The following SLC17A8 variants were observed in gnomAD, a reference collection of about 807,000 sequenced individuals.
SLC17A8 encodes solute carrier family 17 member 8, also known as vesicular glutamate transporter 3.
In SLC17A8, 31 loss-of-function variants were observed where a neutral mutation model predicts 58.0. That is an observed-to-expected ratio of 0.53 (90% CI 0.40 to 0.72). SLC17A8 has a LOEUF of 0.72. SLC17A8 is among the 30% of genes least tolerant of loss of function. SLC17A8 has a pLI of 0.00. For synonymous variants in SLC17A8, 228 were observed against 249.0 expected (o/e 0.92, Z 0.79); for missense variants, 655 against 727.8 (o/e 0.90, Z 1.15).
chr12:100,368,732 C>T (rs1274703143), intron 1 of SLC17A8, among the ~76,000 whole-genome samples: 1 of 152,198 alleles, frequency 6.6e-6, no homozygotes, highest in African/African-American at 2.4e-5. Context: ...TCTCCTTTTA[C>T]AACTTCTCCC....
chr12:100,386,374 T>C (rs1014144880), intron 2 of SLC17A8, among the ~76,000 whole-genome samples: 2 of 152,184 alleles, frequency 1.3e-5, no homozygotes, highest in Admixed American at 1.3e-4. Context: ...ACATTATGGT[T>C]GACTCTAAGT....
intron 1 of SLC17A8, among the ~76,000 whole-genome samples, chr12:100,373,231 T>C (rs537546484): frequency 6.6e-6 from 1 of 152,272 alleles, no homozygotes; most frequent in Admixed American, 6.5e-5. Context: ...CCAACTGCAG[T>C]CAAGCAGGGA....
intron 2 of SLC17A8, among the ~76,000 whole-genome samples, chr12:100,381,956 T>C (rs1004965351): frequency 6.6e-6 from 1 of 152,222 alleles, no homozygotes; most frequent in South Asian, 2.1e-4. Flanking sequence ...TGGGACACAG[T>C]CATAGGTACT....
intron 10 of SLC17A8, among the ~76,000 whole-genome samples, chr12:100,414,362 G>A (rs1161065843): frequency 2.6e-5 from 4 of 152,162 alleles, no homozygotes; most frequent in African/African-American, 9.7e-5. Context: ...TAAAGTAAAA[G>A]TCTAAATTAA....
intron 9 of SLC17A8, among the ~76,000 whole-genome samples, chr12:100,407,637 G>T (rs1041147910): frequency 5.3e-5 from 8 of 151,446 alleles, no homozygotes; most frequent in African/African-American, 1.9e-4. Flanking sequence ...ATGGAGTCTC[G>T]CTCTGTCACC....
At chr12:100,367,776 C>A (rs1054755052) in intron 1 of SLC17A8, among the ~76,000 whole-genome samples, 10 of 152,180 alleles carry the variant, frequency 6.6e-5, no homozygotes, top group Admixed American at 2.0e-4. Flanking sequence ...TGGTCTCGAA[C>A]TCCTGGGCTC....
At position 100,357,158 on chromosome 12, in the gene SLC17A8, C is replaced by A; in HGVS notation, c.-234C>A. The stretch of plus-strand genomic sequence containing the variant: ...GCAAGGGACTGAATTCCCAGCCAGA[C>A]ACCCCTTGGACTCTTTTTTGGAGGG... On this transcript the variant is annotated 5_prime_UTR_variant, in exon 1 of 12. Transcript: ENST00000323346. The A allele has an allele frequency of 2.1e-6, 1 of 482,450 alleles. No homozygotes were observed. Among genetic ancestry groups the A allele is most frequent in the South Asian group, 2.1e-5 (1 of 48,468 alleles). The allele number at this position is 482,450 out of a possible 1,614,324, so 29.9% of individuals were successfully genotyped here. A position where few individuals can be genotyped will look rare whatever the true frequency, so the allele number is the denominator to read the frequency against.
intron 1 of SLC17A8, among the ~76,000 whole-genome samples, chr12:100,367,073 TC>T (rs1411117593): frequency 1.3e-5 from 2 of 152,192 alleles, no homozygotes; most frequent in Non-Finnish European, 2.9e-5. Context: ...GGAGTATTCC[TC>T]AGGCCTCCTG....
intron 7 of SLC17A8, 42 bp downstream of exon 7, chr12:100,402,521 A>G (rs371524742): frequency 1.2e-6 from 2 of 1,613,214 alleles, no homozygotes; most frequent in Non-Finnish European, 1.7e-6. Flanking sequence ...TTTTTTCATA[A>G]GTGATTGTGT....
intron 1 of SLC17A8, among the ~76,000 whole-genome samples, chr12:100,374,942 T>C (rs1390431796): frequency 6.6e-6 from 1 of 151,984 alleles, no homozygotes; most frequent in Admixed American, 6.6e-5. Flanking sequence ...GTCCTGCTTC[T>C]TGTGGAGCCC....
chr12:100,407,778 TG>T (rs750797522), intron 9 of SLC17A8, among the ~76,000 whole-genome samples: 30 of 152,116 alleles, frequency 2.0e-4, no homozygotes, highest in Non-Finnish European at 3.5e-4. Flanking sequence ...GCTAATTTTT[TG>T]TATTTTTTAG....
rs561529656 is a variant in SLC17A8, at chr12:100,378,776, G to T, written c.102-1925G>T. 2.0e-5 allele frequency among the ~76,000 whole-genome samples: 3 copies of T among 152,244 alleles called. No individual in the cohort carries two copies. The East Asian group carries it at 5.8e-4, about 29-fold the overall frequency. On this transcript the variant is annotated intron_variant, in intron 1 of 11. Transcript: ENST00000323346. ...GGCCGGCAGGTAGGTAGGTACATTG[G>T]TAGGGAAATGGTTAGGTTCTTTTCC...
intron 2 of SLC17A8, among the ~76,000 whole-genome samples, chr12:100,382,279 A>T (rs1243168968): frequency 6.6e-6 from 1 of 152,196 alleles, no homozygotes. Flanking sequence ...TTGAGGTAAG[A>T]TAGGAATGGA....
intron 9 of SLC17A8, among the ~76,000 whole-genome samples, chr12:100,412,162 T>G (rs1456533211): frequency 1.3e-5 from 2 of 152,094 alleles, no homozygotes; most frequent in Non-Finnish European, 2.9e-5. Flanking sequence ...CTCAGGAGCA[T>G]CATTGGAACC....
intron 9 of SLC17A8, among the ~76,000 whole-genome samples, chr12:100,404,541 T>C (rs1305456107): frequency 7.7e-5 from 8 of 104,072 alleles, no homozygotes; most frequent in Non-Finnish European, 1.9e-4. Context: ...CACCATTCTC[T>C]TTCTTGATTT....
intron 4 of SLC17A8, among the ~76,000 whole-genome samples, chr12:100,396,008 A>C (rs1952751063): frequency 6.6e-6 from 1 of 152,168 alleles, no homozygotes; most frequent in African/African-American, 2.4e-5. Context: ...CTGGTTCATA[A>C]ACAACTACCT....
intron 10 of SLC17A8, 103 bp from the exon 11 acceptor site, chr12:100,417,926 G>A: frequency 6.8e-7 from 1 of 1,471,474 alleles, no homozygotes; most frequent in Non-Finnish European, 9.5e-7. Flanking sequence ...TATACTAGAG[G>A]AAACCAAACA....
intron 1 of SLC17A8, among the ~76,000 whole-genome samples, chr12:100,364,554 G>A (rs912471762): frequency 3.3e-5 from 5 of 152,158 alleles, no homozygotes; most frequent in Non-Finnish European, 5.9e-5. Context: ...GGCTGAGGAC[G>A]GAAGCTAGCT....
chr12:100,359,081 G>A (rs1566382897), intron 1 of SLC17A8, among the ~76,000 whole-genome samples: 1 of 152,122 alleles, frequency 6.6e-6, no homozygotes, highest in Non-Finnish European at 1.5e-5. Flanking sequence ...GTTGCAGCGA[G>A]CCAAGATTGC....
Sources: allele counts gnomAD v4.1 joint callset (sites outside exome capture counted in the v4.1 genomes callset), GRCh38; gene constraint gnomAD v4.1.1; transcripts MANE v1.5; gene names NCBI Gene and HGNC (gene_info 2026-07-23, HGNC 2026-07-21).